Variants in EFCAB13 observed in about 807,000 individuals in gnomAD.
EFCAB13 encodes EF-hand calcium-binding domain-containing protein 13.
A neutral mutation model predicts 110.2 loss-of-function variants in EFCAB13; 91 were observed. The observed-to-expected ratio is 0.83, with a 90% CI of 0.70 to 0.98. The LOEUF is 0.98. Among genes scored for constraint, EFCAB13 ranks in the 50% least tolerant of loss-of-function variants. EFCAB13 has a pLI of 0.00. For synonymous variants in EFCAB13, 323 were observed against 369.9 expected, an observed-to-expected ratio of 0.87 and a Z score of 1.45; for missense variants, 968 against 1,119.4, an observed-to-expected ratio of 0.86 and a Z score of 1.93.
At chr17:47,380,043 C>A (rs1184789698) in intron 14 of EFCAB13, among the ~76,000 whole-genome samples, 1 of 152,070 alleles carries the variant, frequency 6.6e-6, no homozygotes, top group African/African-American at 2.4e-5. Context: ...AAGTCGATTT[C>A]TTTTAAAAAG....
chr17:47,338,142 T>C (rs777870267), intron 5 of EFCAB13, among the ~76,000 whole-genome samples: 1 of 152,146 alleles, frequency 6.6e-6, no homozygotes, highest in Non-Finnish European at 1.5e-5. Flanking sequence ...AAGGCTCAAC[T>C]TCAATAAGGA....
intron 14 of EFCAB13, among the ~76,000 whole-genome samples, chr17:47,382,506 C>G (rs565298273): frequency 1.3e-5 from 2 of 152,236 alleles, no homozygotes; most frequent in South Asian, 4.2e-4. Context: ...TCATAAATAG[C>G]TCTTATTATT....
intron 21 of EFCAB13, among the ~76,000 whole-genome samples, chr17:47,411,965 C>G (rs2065837848): frequency 1.3e-5 from 2 of 152,118 alleles, no homozygotes. Context: ...TATGGTGGCA[C>G]ATGCCTGTAA....
At chr17:47,335,689 G>A (rs960393797) in intron 5 of EFCAB13, among the ~76,000 whole-genome samples, 7 of 152,156 alleles carry the variant, frequency 4.6e-5, no homozygotes, top group African/African-American at 1.7e-4. Context: ...GGCTGGGGAA[G>A]CCTCAGGAAA....
intron 23 of EFCAB13, among the ~76,000 whole-genome samples, chr17:47,423,890 C>T (rs1343540389): frequency 6.6e-6 from 1 of 152,058 alleles, no homozygotes; most frequent in Non-Finnish European, 1.5e-5. Flanking sequence ...GCCCACCCTG[C>T]TCCGGGACGA....
In EFCAB13 at chr17:47,403,808, G is replaced by A. The variant is rs1001776484; in HGVS notation, c.2018-70G>A. On this transcript the variant is annotated intron_variant, in intron 18 of 24. Coordinates refer to ENST00000331493, the MANE Select transcript of EFCAB13 (RefSeq NM_152347.5). ...GTTCAGGATACAATAATAAACTATGGATTTCCACTAACAAATGTCTTGAGT... is the reference window on the plus strand; with the variant it reads ...GTTCAGGATACAATAATAAACTATGAATTTCCACTAACAAATGTCTTGAGT... 6 of 1,400,568 alleles carry A rather than the reference G, an allele frequency of 4.3e-6. No individual in the cohort carries two copies. The African/African-American group carries it at 8.8e-5, about 20-fold the overall frequency. The allele number at this position is 1,400,568 out of a possible 1,614,324, so 86.8% of individuals were successfully genotyped here.
chr17:47,353,784 A>G (rs1211017210), intron 9 of EFCAB13, among the ~76,000 whole-genome samples: 1 of 152,108 alleles, frequency 6.6e-6, no homozygotes, highest in Non-Finnish European at 1.5e-5. Context: ...TCTTTTTGGC[A>G]TTTTGATAGA....
intron 24 of EFCAB13, among the ~76,000 whole-genome samples, chr17:47,435,530 TTTG>T (rs1905195509): frequency 6.6e-6 from 1 of 152,082 alleles, no homozygotes; most frequent in South Asian, 2.1e-4. Context: ...TTTTTTTGTT[TTTG>T]TTTTTGTTTT....
intron 8 of EFCAB13, among the ~76,000 whole-genome samples, chr17:47,346,176 T>G (rs2065414661): frequency 6.6e-6 from 1 of 152,130 alleles, no homozygotes; most frequent in Non-Finnish European, 1.5e-5. Flanking sequence ...TAACTGAAAT[T>G]TTATACTCAC....
At chr17:47,421,624 TAAAAAAAAGAAAGAAAGA>T (rs1248384235) in intron 23 of EFCAB13, among the ~76,000 whole-genome samples, 9 of 123,052 alleles carry the variant, frequency 7.3e-5, no homozygotes, top group Non-Finnish European at 1.3e-4. Flanking sequence ...GAATGAGCAA[TAAAAAAAAGAAAGAAAGA>T]AAAAAAAAAA....
intron 20 of EFCAB13, 71 bp downstream of exon 20, chr17:47,404,704 C>T: frequency 5.8e-6 from 7 of 1,208,944 alleles, no homozygotes; most frequent in Non-Finnish European, 8.3e-6. Flanking sequence ...CTAGTAAAAC[C>T]CTAAATTTGG....
intron 23 of EFCAB13, among the ~76,000 whole-genome samples, chr17:47,415,393 TA>T (rs540830703): frequency 6.6e-6 from 1 of 151,580 alleles, no homozygotes; most frequent in Non-Finnish European, 1.5e-5. Flanking sequence ...ATAATAATAA[TA>T]AAAAAAAGAC....
rs140228202 is a variant in EFCAB13, at chr17:47,418,319, A to G, written c.2494+3400A>G. On this transcript the variant is annotated intron_variant, in intron 23 of 24. Coordinates refer to ENST00000331493, the MANE Select transcript of EFCAB13 (RefSeq NM_152347.5). ...ACTAATAAATGTCCTTTTTGGCACT[A>G]TTTTCCAGAATAGGGCACTTTTGTC... 8.0e-3 allele frequency among the ~76,000 whole-genome samples: 1,210 copies of G among 152,190 alleles called. 51 individuals are homozygous for G. The highest frequency in any genetic ancestry group is 0.073 in the Admixed American group (1,113 of 15,280).
At chr17:47,325,821 T>C (rs1349112540) in intron 2 of EFCAB13, among the ~76,000 whole-genome samples, 1 of 149,880 alleles carries the variant, frequency 6.7e-6, no homozygotes, top group Non-Finnish European at 1.5e-5. Context: ...TTTGTACTTA[T>C]TGCAGATAAC....
At chr17:47,328,964 T>A (rs1369690799) in intron 4 of EFCAB13, 1 of 152,232 alleles carries the variant, frequency 6.6e-6, no homozygotes, top group East Asian at 1.9e-4. Flanking sequence ...AAGAATGCTG[T>A]GACCGTAAGA....
intron 23 of EFCAB13, among the ~76,000 whole-genome samples, chr17:47,424,606 A>G (rs1904864012): frequency 1.3e-5 from 2 of 151,980 alleles, no homozygotes; most frequent in Admixed American, 6.6e-5. Flanking sequence ...AGGGCTTCTC[A>G]TTGGGAGATA....
intron 2 of EFCAB13, among the ~76,000 whole-genome samples, chr17:47,325,268 A>AC (rs773482915): frequency 2.0e-5 from 3 of 150,332 alleles, no homozygotes; most frequent in Non-Finnish European, 4.4e-5. Context: ...TCCTGCTTAG[A>AC]CCCCCACCCC....
rs1400265430 is a variant in EFCAB13, at chr17:47,325,959, TATAG to T, written c.-247-266_-247-263del. Among the ~76,000 whole-genome samples, 120 of 135,044 alleles carry T rather than the reference TATAG, an allele frequency of 8.9e-4. 1 individual carries two copies. Among genetic ancestry groups the T allele is most frequent in the Non-Finnish European group, 1.6e-3 (98 of 63,186 alleles). The allele number at this position is 135,044 out of a possible 152,430, so 88.6% of individuals were successfully genotyped here. A position where few individuals can be genotyped will look rare whatever the true frequency, so the allele number is the denominator to read the frequency against. On this transcript the variant is annotated intron_variant, in intron 2 of 24. Transcript: ENST00000331493. ...ATATATATATATATATATATATATATATAGCATATATATATTTTGTTCATTGGTA... is the reference window on the plus strand; with the variant it reads ...ATATATATATATATATATATATATATCATATATATATTTTGTTCATTGGTA...
intron 23 of EFCAB13, among the ~76,000 whole-genome samples, chr17:47,422,820 T>A (rs1904769036): frequency 6.6e-6 from 1 of 152,212 alleles, no homozygotes; most frequent in South Asian, 2.1e-4. Context: ...ATTTGAGCTA[T>A]ATATTCAATG....
Sources: gnomAD v4.1 joint callset for allele counts (sites outside exome capture counted in the v4.1 genomes callset) on GRCh38, gnomAD v4.1.1 for gene constraint, MANE v1.5 for transcripts, NCBI Gene and HGNC (gene_info 2026-07-23, HGNC 2026-07-21) for gene names.